The following LIPI variants were observed in gnomAD, a reference collection of about 807,000 sequenced individuals.
LIPI encodes the protein lipase member I.
LIPI carries 59 observed loss-of-function variants against 50.6 expected under a neutral mutation model. The observed-to-expected ratio is 1.16, with a 90% CI of 0.94 to 1.45. The LOEUF (loss-of-function observed/expected upper bound fraction) is 1.45. LIPI is among the 40% of genes most tolerant of loss of function. The probability of loss-of-function intolerance (pLI) is 0.00; values close to 1 mark genes in which losing one functional copy is unlikely to be tolerated. For missense variants in LIPI, 586 were observed against 536.3 expected (o/e 1.09, Z -0.92); for synonymous variants, 203 against 178.2 (o/e 1.14, Z -1.11).
At chr21:14,193,768 A>G (rs2019755435) in intron 1 of LIPI, among the ~76,000 whole-genome samples, 1 of 152,168 alleles carries the variant, frequency 6.6e-6, no homozygotes, top group Admixed American at 6.6e-5. Flanking sequence ...ACAACAGAAA[A>G]AAAAAATGAG....
At chr21:14,132,549 A>G (rs77139775) in intron 9 of LIPI, among the ~76,000 whole-genome samples, 4,149 of 152,266 alleles carry the variant, frequency 0.027, 179 homozygotes, top group African/African-American at 0.091. Context: ...CCAATTAACA[A>G]GTCCTACAGG....
chr21:14,113,393 G>A (rs2016491912), intron 9 of LIPI, among the ~76,000 whole-genome samples: 1 of 152,208 alleles, frequency 6.6e-6, no homozygotes, highest in East Asian at 1.9e-4. Flanking sequence ...GAACTACGAT[G>A]TTTGAGATGA....
At chr21:14,176,924 T>C (rs1034746463) in intron 4 of LIPI, among the ~76,000 whole-genome samples, 3 of 152,064 alleles carry the variant, frequency 2.0e-5, no homozygotes, top group African/African-American at 7.2e-5. Context: ...ATCGAAATGT[T>C]TGAGAATATT....
chr21:14,206,079 TATAA>T (rs2020217991), intron 1 of LIPI, among the ~76,000 whole-genome samples: 2 of 152,132 alleles, frequency 1.3e-5, no homozygotes, highest in South Asian at 2.1e-4. Context: ...ATGGGGAAGT[TATAA>T]ATAATCATTG....
At chr21:14,127,335 T>C (rs1488440101) in intron 9 of LIPI, among the ~76,000 whole-genome samples, 2 of 152,184 alleles carry the variant, frequency 1.3e-5, no homozygotes, top group South Asian at 2.1e-4. Context: ...ACCTAGGTAA[T>C]TAAACTTAAG....
chr21:14,161,257 C>T (rs1018858096), intron 7 of LIPI, among the ~76,000 whole-genome samples: 1 of 149,436 alleles, frequency 6.7e-6, no homozygotes, highest in African/African-American at 2.4e-5. Flanking sequence ...AATGGTGGCA[C>T]ATCCTGTATC....
intron 7 of LIPI, among the ~76,000 whole-genome samples, chr21:14,161,846 C>G (rs1202784261): frequency 0.019 from 2,110 of 113,502 alleles, 231 homozygotes; most frequent in Admixed American, 0.024. Flanking sequence ...ATAATATATA[C>G]ATTATTATAT....
chr21:14,144,319 A>G lies in LIPI; in HGVS notation c.1295+304T>C, dbSNP rs188689825. 14 of 225,258 alleles carry G rather than the reference A, an allele frequency of 6.2e-5. No individual in the cohort carries two copies. The East Asian group carries it at 1.1e-3, about 18-fold the overall frequency. 14.0% of individuals were successfully genotyped at this position (225,258 alleles called of 1,614,324 possible). On this transcript the variant is annotated intron_variant, in intron 9 of 9. Transcript: ENST00000681601. ...CACCAGTCTGTTAATATGTATGTAT[A>G]TGAAAGAAATTACTGGTAAACTTCT...
chr21:14,183,135 C>A (rs2019332543), intron 3 of LIPI, among the ~76,000 whole-genome samples: 1 of 152,122 alleles, frequency 6.6e-6, no homozygotes, highest in Admixed American at 6.5e-5. Context: ...AGAAATAGAC[C>A]AATGGAACAG....
rs146693454 is a variant in LIPI at position 14,131,726 on chromosome 21, C to T, written c.1295+12897G>A. 3.2e-3 allele frequency among the ~76,000 whole-genome samples: 480 copies of T among 152,190 alleles called. 4 individuals are homozygous for T. Among genetic ancestry groups the T allele is most frequent in the Non-Finnish European group, 4.4e-3 (300 of 68,024 alleles). ...AATAGATCCCAACCAGAAAGAATTC[C>T]TCAAAGTGCCAGGTAAATAATTCAA... On this transcript the variant is annotated intron_variant, in intron 9 of 9. Transcript: ENST00000681601.
intron 1 of LIPI, chr21:14,206,896 A>G (rs770385420): frequency 6.2e-7 from 1 of 1,611,768 alleles, no homozygotes; most frequent in South Asian, 1.1e-5. Context: ...TTTTGGCACA[A>G]GTTATTATGT....
chr21:14,164,131 T>C (rs1001173991), intron 6 of LIPI, among the ~76,000 whole-genome samples: 12 of 151,758 alleles, frequency 7.9e-5, no homozygotes, highest in Non-Finnish European at 8.8e-5. Context: ...TTTATGTTAA[T>C]ATATATTTCA....
intron 4 of LIPI, among the ~76,000 whole-genome samples, chr21:14,173,346 G>T (rs895135757): frequency 1.2e-4 from 18 of 152,280 alleles, no homozygotes; most frequent in African/African-American, 4.3e-4. Flanking sequence ...AGTTGCCTTG[G>T]CTGGAGCAGT....
At chr21:14,194,634 G>C (rs1035155909) in intron 1 of LIPI, among the ~76,000 whole-genome samples, 33 of 113,854 alleles carry the variant, frequency 2.9e-4, no homozygotes, top group African/African-American at 8.4e-4. Flanking sequence ...TGGTTGCCCT[G>C]GGCTGAGGGA....
intron 1 of LIPI, among the ~76,000 whole-genome samples, chr21:14,197,252 A>G (rs773074737): frequency 2.0e-5 from 3 of 152,038 alleles, no homozygotes; most frequent in Non-Finnish European, 4.4e-5. Context: ...ACTAATGATA[A>G]AACACTAGGG....
In LIPI at chr21:14,109,044, G is replaced by T. The variant is rs7278737; in HGVS notation, c.1332C>A (p.Asp444Glu). Reference sequence around the variant, plus strand: ...TTGGATTAAGAAACACTTCCTCTCTGTCTTTAAGTACAATATTATACCTGC... The same window carrying T: ...TTGGATTAAGAAACACTTCCTCTCTTTCTTTAAGTACAATATTATACCTGC... Reference protein sequence around the residue: ...PLCRYNIVLKDREEVFLNPNT... With the variant: ...PLCRYNIVLKEREEVFLNPNT... The change falls in exon 10 of 10, where the codon GAC becomes GAA. Residue 444 changes from aspartate to glutamate, a missense_variant. Transcript: ENST00000681601. 0.5 allele frequency: 801,497 copies of T among 1,593,002 alleles called. 202,725 individuals carry two copies. Among genetic ancestry groups the T allele is most frequent in the South Asian group, 0.52 (47,395 of 90,654 alleles).
intron 1 of LIPI, among the ~76,000 whole-genome samples, chr21:14,205,290 G>A (rs528479126): frequency 2.8e-4 from 42 of 151,730 alleles, no homozygotes; most frequent in African/African-American, 9.9e-4. Flanking sequence ...ATTATAGACT[G>A]GAAAAATAAA....
intron 1 of LIPI, 24 bp from the exon 2 acceptor site, chr21:14,189,443 A>G (rs762436261): frequency 8.7e-6 from 14 of 1,603,076 alleles, no homozygotes; most frequent in African/African-American, 8.0e-5. Context: ...ATGTCAGTCA[A>G]GCTGAGTACT....
intron 7 of LIPI, among the ~76,000 whole-genome samples, chr21:14,155,457 A>G (rs1364575635): frequency 6.6e-6 from 1 of 152,018 alleles, no homozygotes; most frequent in Non-Finnish European, 1.5e-5. Context: ...AAATAAACAC[A>G]GATTGAAAAA....
Sources: gnomAD v4.1 joint callset for allele counts (sites outside exome capture counted in the v4.1 genomes callset) on GRCh38, gnomAD v4.1.1 for gene constraint, MANE v1.5 for transcripts, NCBI Gene and HGNC (gene_info 2026-07-23, HGNC 2026-07-21) for gene names.